ASMTL: variants seen among roughly 807,000 people sequenced by gnomAD.
ASMTL encodes the protein probable bifunctional dTTP/UTP pyrophosphatase/methyltransferase protein.
A neutral mutation model predicts 60.3 loss-of-function variants in ASMTL; 57 were observed. The ratio of observed to expected loss-of-function variants is 0.95; its 90% confidence interval spans 0.76 to 1.18. ASMTL has a LOEUF of 1.18. Ranked by LOEUF, ASMTL falls within the 50% of genes most tolerant of loss-of-function variation. The pLI, the probability that ASMTL is intolerant of heterozygous loss-of-function variation, is 0.00. For synonymous variants in ASMTL, 419 were observed against 373.0 expected (o/e 1.12, Z -1.42); for missense variants, 981 against 852.6 (o/e 1.15, Z -1.88).
At chrX:1,416,151 A>G (rs1188455732) in intron 11 of ASMTL, among the ~76,000 whole-genome samples, 3 of 151,878 alleles carry the variant, frequency 2.0e-5, no homozygotes, top group Admixed American at 1.3e-4. Flanking sequence ...AGATGGGCAC[A>G]CACACATGGA....
intron 9 of ASMTL, among the ~76,000 whole-genome samples, chrX:1,420,715 C>T (rs760279739): frequency 1.2e-4 from 19 of 152,358 alleles, no homozygotes; most frequent in Admixed American, 3.3e-4. Context: ...TTGCAAACAG[C>T]GGCCTCAGAT....
At chrX:1,441,045 A>G (rs1447064823) in intron 2 of ASMTL, among the ~76,000 whole-genome samples, 7 of 152,114 alleles carry the variant, frequency 4.6e-5, no homozygotes, top group Non-Finnish European at 1.0e-4. Flanking sequence ...TGTATATTGC[A>G]TTGTAGCATA....
chrX:1,448,233 A>G (rs1179028667), intron 1 of ASMTL, among the ~76,000 whole-genome samples: 4 of 150,546 alleles, frequency 2.7e-5, no homozygotes, highest in African/African-American at 9.8e-5. Flanking sequence ...TTGGACACAC[A>G]CTGCCATCTT....
intron 11 of ASMTL, among the ~76,000 whole-genome samples, chrX:1,415,206 G>GATTCCAGGCATGAGC (rs1237742893): frequency 2.6e-5 from 4 of 152,244 alleles, no homozygotes; most frequent in African/African-American, 9.6e-5. Context: ...CTCCCAGAGG[G>GATTCCAGGCATGAGC]CTGGGATTCC....
intron 8 of ASMTL, among the ~76,000 whole-genome samples, chrX:1,424,345 G>A (rs1603451053): frequency 3.1e-5 from 2 of 64,944 alleles, no homozygotes; most frequent in African/African-American, 1.0e-4. Flanking sequence ...CCCAACCACC[G>A]ATCCACTGAT....
At chrX:1,407,110 T>TAGATGGATGGATGGATGGATG (rs1487877179) in intron 12 of ASMTL, among the ~76,000 whole-genome samples, 70 of 140,166 alleles carry the variant, frequency 5.0e-4, no homozygotes, top group African/African-American at 1.8e-3. Context: ...AGATGATGGG[T>TAGATGGATGGATGGATGGATG]AGATGGATGG....
intron 12 of ASMTL, 134 bp downstream of exon 12, chrX:1,412,598 G>C: frequency 5.0e-6 from 6 of 1,197,998 alleles, no homozygotes; most frequent in Non-Finnish European, 7.3e-6. Context: ...CCTGACCTCA[G>C]GTGATCCGCC....
intron 9 of ASMTL, among the ~76,000 whole-genome samples, chrX:1,420,335 C>G (rs2090448844): frequency 6.6e-6 from 1 of 151,852 alleles, no homozygotes. Flanking sequence ...CTGCCTCCAT[C>G]TCTGTCTGTC....
chrX:1,432,144 C>T, intron 6 of ASMTL, 125 bp downstream of exon 6: 1 of 762,220 alleles, frequency 1.3e-6, no homozygotes, highest in Non-Finnish European at 2.2e-6. Flanking sequence ...GCGGCTCTCC[C>T]TGTGCCACAC....
intron 3 of ASMTL, among the ~76,000 whole-genome samples, chrX:1,438,359 T>A (rs1402031965): frequency 6.6e-6 from 1 of 151,846 alleles, no homozygotes; most frequent in Non-Finnish European, 1.5e-5. Flanking sequence ...GAGGCACAGA[T>A]AGGAACCACA....
chrX:1,436,538 G>C (rs1374310355), intron 3 of ASMTL, among the ~76,000 whole-genome samples: 9 of 152,074 alleles, frequency 5.9e-5, no homozygotes, highest in Non-Finnish European at 1.2e-4. Flanking sequence ...ATTTTTAGTA[G>C]AGACGGGGTT....
chrX:1,416,842 C>T (rs760509211), intron 11 of ASMTL, among the ~76,000 whole-genome samples: 2 of 150,938 alleles, frequency 1.3e-5, no homozygotes, highest in African/African-American at 4.9e-5. Flanking sequence ...GGCACACAGA[C>T]ATGCACACAC....
chrX:1,432,642 A>AT (rs2090829380), intron 5 of ASMTL, among the ~76,000 whole-genome samples: 1 of 151,962 alleles, frequency 6.6e-6, no homozygotes, highest in African/African-American at 2.4e-5. Flanking sequence ...ATCCTGGCTA[A>AT]CACGGTGAAA....
Position 1,410,394 on chromosome X carries a change from G to A in ASMTL, c.1645+2338C>T, listed in dbSNP as rs760579936. Among the ~76,000 whole-genome samples the A allele has an allele frequency of 6.4e-3, 971 of 152,030 alleles. 12 individuals are homozygous for A. Among genetic ancestry groups the A allele is most frequent in the African/African-American group, 0.021 (887 of 41,452 alleles). On this transcript the variant is annotated intron_variant, in intron 12 of 12. Transcript: ENST00000381317. ...GCACTCCAGCCTGGGTGACAGAGGG[G>A]GACTCCTATCTCCACAAAAAACTTT...
In ASMTL at chrX:1,406,722, GGATT is replaced by G. The variant is rs1482993097; in HGVS notation, c.1646-3237_1646-3234del. ...AGATGGATGCATGCATGAGATGGAT[GGATT>G]AGTGAATAGATGGTAGATGATGGGT... On this transcript the variant is annotated intron_variant, in intron 12 of 12. Transcript: ENST00000381317. Among the ~76,000 whole-genome samples the G allele has an allele frequency of 4.7e-3, 719 of 151,960 alleles. 6 individuals are homozygous for G. Among genetic ancestry groups the G allele is most frequent in the African/African-American group, 0.016 (682 of 41,426 alleles).
chrX:1,434,482 C>CATG (rs2090906052), intron 5 of ASMTL, among the ~76,000 whole-genome samples: 1 of 124,804 alleles, frequency 8.0e-6, no homozygotes, highest in African/African-American at 3.1e-5. Context: ...AGAGGGAGAC[C>CATG]CTGTCTCAAA....
Position 1,428,073 on chromosome X carries a change from C to A in ASMTL, c.558G>T (p.Val186=). The A allele has an allele frequency of 6.2e-7, 1 of 1,612,850 alleles. No homozygotes were observed. The highest frequency in any genetic ancestry group is 8.5e-7 in the Non-Finnish European group (1 of 1,179,124). ...TCAGAAAGTCCCCGTGTACGGACTC[C>A]ACCAGCATGCCGCCCAGGGCCTGGA... The part of the protein sequence containing the change: ...YGIQALGGML[V]ESVHGDFLNV... The change falls in exon 7 of 13, where the codon GTG becomes GTT. Residue 186 remains valine (V), a synonymous_variant. Coordinates refer to ENST00000381317, the MANE Select transcript of ASMTL (RefSeq NM_004192.4).
At position 1,446,364 on chromosome X, in the gene ASMTL, G is replaced by C. The variant is rs760454157; in HGVS notation, c.94-4047C>G. ...GGACCACCACCAGTCTCCGCGTCTT[G>C]GTGGTAGTGGTCCCCCGGGCCCAGC... On this transcript the variant is annotated intron_variant, in intron 1 of 12. Coordinates refer to ENST00000381317, the MANE Select transcript of ASMTL (RefSeq NM_004192.4). Among the ~76,000 whole-genome samples the C allele has an allele frequency of 2.3e-3, 345 of 152,152 alleles. 3 individuals are homozygous for C. Among genetic ancestry groups the C allele is most frequent in the African/African-American group, 7.2e-3 (300 of 41,510 alleles).
intron 2 of ASMTL, among the ~76,000 whole-genome samples, chrX:1,440,496 G>A (rs2091083844): frequency 6.6e-6 from 1 of 152,212 alleles, no homozygotes; most frequent in Non-Finnish European, 1.5e-5. Context: ...TATATTCATT[G>A]TAACAGCAAG....
Sources: allele counts gnomAD v4.1 joint callset (sites outside exome capture counted in the v4.1 genomes callset), GRCh38; gene constraint gnomAD v4.1.1; transcripts MANE v1.5; gene names NCBI Gene and HGNC (gene_info 2026-07-23, HGNC 2026-07-21).